The following RAPGEF2 variants were observed in gnomAD, a reference collection of about 807,000 sequenced individuals.
RAPGEF2 encodes Rap guanine nucleotide exchange factor 2, also known as PDZ domain containing guanine nucleotide exchange factor (GEF) 1.
Under a neutral mutation model 186.7 loss-of-function variants are expected in RAPGEF2, and 54 were observed. That is an observed-to-expected ratio of 0.29 (90% CI 0.23 to 0.36). The LOEUF (loss-of-function observed/expected upper bound fraction) is 0.36. Among genes scored for constraint, RAPGEF2 ranks in the 10% least tolerant of loss-of-function variants. The probability of loss-of-function intolerance (pLI) is 1.00; values close to 1 mark genes in which losing one functional copy is unlikely to be tolerated. For missense variants in RAPGEF2, 1,532 were observed against 2,045.0 expected (o/e 0.75, Z 4.84); for synonymous variants, 712 against 705.9 (o/e 1.01, Z -0.14).
chr4:159,217,191 A>G (rs1751069257), intron 4 of RAPGEF2, among the ~76,000 whole-genome samples: 1 of 151,918 alleles, frequency 6.6e-6, no homozygotes, highest in Non-Finnish European at 1.5e-5. Flanking sequence ...TTGATTTTAG[A>G]TTTAGGGGGT....
chr4:159,210,701 G>A (rs1051996094), intron 4 of RAPGEF2, 118 bp downstream of exon 4: 2 of 678,832 alleles, frequency 2.9e-6, no homozygotes, highest in African/African-American at 3.6e-5. Context: ...AAGCAAGACA[G>A]TACTTTGGGG....
chr4:159,323,948 G>A (rs1003115673), intron 11 of RAPGEF2, among the ~76,000 whole-genome samples: 2 of 151,442 alleles, frequency 1.3e-5, no homozygotes, highest in Admixed American at 1.3e-4. Flanking sequence ...CCAGGCTGGA[G>A]TGCAGTGGCG....
At chr4:159,323,058 GAT>G (rs1004550802) in intron 10 of RAPGEF2, among the ~76,000 whole-genome samples, 1 of 152,026 alleles carries the variant, frequency 6.6e-6, no homozygotes, top group African/African-American at 2.4e-5. Context: ...GAAAGTTTTT[GAT>G]ATATTAACTT....
intron 8 of RAPGEF2, among the ~76,000 whole-genome samples, chr4:159,311,610 A>G (rs957503002): frequency 1.3e-5 from 2 of 152,172 alleles, no homozygotes; most frequent in African/African-American, 4.8e-5. Flanking sequence ...AGGTTAAGTG[A>G]CTTTGCTAAA....
intron 7 of RAPGEF2, among the ~76,000 whole-genome samples, chr4:159,285,037 TC>T (rs1200372217): frequency 1.3e-5 from 2 of 152,116 alleles, no homozygotes; most frequent in Non-Finnish European, 2.9e-5. Context: ...AGACCCTGTC[TC>T]AAAAAAAGAA....
chr4:159,233,056 G>A (rs1468162012), intron 4 of RAPGEF2, among the ~76,000 whole-genome samples: 1 of 152,080 alleles, frequency 6.6e-6, no homozygotes, highest in Non-Finnish European at 1.5e-5. Flanking sequence ...TTTGAATATT[G>A]AATCTTTATC....
Position 159,359,667 on chromosome 4 carries a change from TCAAA to T in RAPGEF2, c.*1532_*1535del, listed in dbSNP as rs1395596381. 4.6e-5 allele frequency: 7 copies of T among 152,234 alleles called. No homozygotes were observed. Among genetic ancestry groups the T allele is most frequent in the Non-Finnish European group, 7.3e-5 (5 of 68,036 alleles). 9.4% of individuals were successfully genotyped at this position (152,234 alleles called of 1,614,324 possible). On this transcript the variant is annotated 3_prime_UTR_variant, in exon 30 of 30. Transcript: ENST00000691494. ...GGAATTGCAGTGTTTTTTCACTGTA[TCAAA>T]CAATGTCAGTGCTTTATTTAATAAT...
rs1360113322 is a variant in RAPGEF2 at position 159,354,188 on chromosome 4, T to TAA, written c.4651+143_4651+144dup. The TAA allele has an allele frequency of 4.6e-5, 44 of 960,252 alleles. 1 individual carries two copies. The highest frequency in any genetic ancestry group is 5.3e-5 in the Non-Finnish European group (36 of 673,682). The allele number at this position is 960,252 out of a possible 1,614,324, so 59.5% of individuals were successfully genotyped here. On this transcript the variant is annotated intron_variant, in intron 28 of 29. Transcript: ENST00000691494. Reference sequence around the variant, plus strand: ...TAGGACTTCCAAATTAGTGGTGTGTTAAGGTCTTTGAAATCAATAGTGGTT... The same window carrying TAA: ...TAGGACTTCCAAATTAGTGGTGTGTTAAAAGGTCTTTGAAATCAATAGTGGTT...
chr4:159,274,387 T>A (rs1261148907), intron 7 of RAPGEF2, among the ~76,000 whole-genome samples: 2 of 152,224 alleles, frequency 1.3e-5, no homozygotes, highest in African/African-American at 4.8e-5. Flanking sequence ...TATATTTTAT[T>A]TGAATATGGT....
At chr4:159,256,788 A>G (rs949198435) in intron 7 of RAPGEF2, among the ~76,000 whole-genome samples, 7 of 152,056 alleles carry the variant, frequency 4.6e-5, no homozygotes, top group African/African-American at 7.2e-5. Context: ...GAATTTCTCT[A>G]ATGATCAGTG....
chr4:159,141,259 A>G lies in RAPGEF2; in HGVS notation c.69+37028A>G, dbSNP rs115168080. On this transcript the variant is annotated intron_variant, in intron 1 of 29. Coordinates refer to ENST00000691494, the MANE Select transcript of RAPGEF2 (RefSeq NM_001394067.2). ...TATAATCCTATCGGGATATTTAGAT[A>G]TATTTTGTAAGTTAAACAAATGCCC... is the stretch of plus-strand genomic sequence containing the variant. Among the ~76,000 whole-genome samples the G allele has an allele frequency of 3.9e-3, 593 of 152,316 alleles. 2 individuals are homozygous for G. Among genetic ancestry groups the G allele is most frequent in the African/African-American group, 0.013 (559 of 41,566 alleles).
chr4:159,117,386 A>G (rs1473636630), intron 1 of RAPGEF2, among the ~76,000 whole-genome samples: 1 of 152,102 alleles, frequency 6.6e-6, no homozygotes, highest in African/African-American at 2.4e-5. Context: ...CTTTATTCCC[A>G]TATGTGGACC....
chr4:159,233,007 T>C (rs1048481147), intron 4 of RAPGEF2, among the ~76,000 whole-genome samples: 8 of 152,178 alleles, frequency 5.3e-5, no homozygotes, highest in Non-Finnish European at 1.0e-4. Context: ...CAAGTTTACA[T>C]TGGGTTATCT....
chr4:159,139,849 C>T (rs1396538623), intron 1 of RAPGEF2, among the ~76,000 whole-genome samples: 1 of 152,044 alleles, frequency 6.6e-6, no homozygotes, highest in Non-Finnish European at 1.5e-5. Context: ...AAAGTAGATT[C>T]CTTCAGGTTT....
chr4:159,124,769 TTGA>T (rs1218049238), intron 1 of RAPGEF2, among the ~76,000 whole-genome samples: 3 of 152,230 alleles, frequency 2.0e-5, no homozygotes, highest in Non-Finnish European at 4.4e-5. Flanking sequence ...AAAGTATCTG[TTGA>T]TGATCTTTAC....
At chr4:159,104,294 T>G in intron 1 of RAPGEF2, 63 bp downstream of exon 1, 12 of 696,402 alleles carry the variant, frequency 1.7e-5, no homozygotes, top group East Asian at 9.7e-5. Context: ...CGTCTTCCCC[T>G]GTCCCCCCAC....
At chr4:159,110,947 TGTCA>T (rs1422569524) in intron 1 of RAPGEF2, among the ~76,000 whole-genome samples, 4 of 152,218 alleles carry the variant, frequency 2.6e-5, no homozygotes, top group African/African-American at 9.6e-5. Context: ...CAAGTGATTA[TGTCA>T]GTCATTGTAG....
At chr4:159,345,363 G>C (rs1004266891) in intron 24 of RAPGEF2, 34 bp downstream of exon 24, 1 of 1,597,852 alleles carries the variant, frequency 6.3e-7, no homozygotes, top group African/African-American at 1.3e-5. Flanking sequence ...GCAGACTTTG[G>C]CTAGGATGCA....
chr4:159,223,625 T>C (rs527401175), intron 4 of RAPGEF2, among the ~76,000 whole-genome samples: 1 of 152,330 alleles, frequency 6.6e-6, no homozygotes, highest in South Asian at 2.1e-4. Flanking sequence ...AGTTAAGAAA[T>C]TCCATTTCAT....
Sources: gnomAD v4.1 joint callset for allele counts (sites outside exome capture counted in the v4.1 genomes callset) on GRCh38, gnomAD v4.1.1 for gene constraint, MANE v1.5 for transcripts, NCBI Gene and HGNC (gene_info 2026-07-23, HGNC 2026-07-21) for gene names.